QSOX1: variants seen among roughly 807,000 people sequenced by gnomAD.
QSOX1 encodes the protein quiescin sulfhydryl oxidase 1, also known as sulfhydryl oxidase 1.
QSOX1 carries 40 observed loss-of-function variants against 76.1 expected under a neutral mutation model. The observed-to-expected ratio is 0.53, with a 90% CI of 0.41 to 0.68. The LOEUF (loss-of-function observed/expected upper bound fraction) is 0.68. Ranked by LOEUF, QSOX1 falls within the 30% of genes least tolerant of loss-of-function variation. The pLI is 0.00. For synonymous variants in QSOX1, 392 were observed against 413.1 expected (o/e 0.95, Z 0.62); for missense variants, 931 against 974.3 (o/e 0.96, Z 0.59).
At chr1:180,193,585 C>T (rs1191615885) in intron 10 of QSOX1, among the ~76,000 whole-genome samples, 3 of 149,948 alleles carry the variant, frequency 2.0e-5, no homozygotes, top group Non-Finnish European at 1.5e-5. Flanking sequence ...TTAGGAGGGG[C>T]GTGTTGGATT....
Position 180,197,424 on chromosome 1 carries a change from G to C in QSOX1, c.*387G>C. The C allele has an allele frequency of 1.3e-6, 2 of 1,598,224 alleles. No homozygotes were observed. Among genetic ancestry groups the C allele is most frequent in the Non-Finnish European group, 1.7e-6 (2 of 1,167,592 alleles). Reference sequence around the variant, plus strand: ...CTGGGGCAAGTGAAGCCAGAGGAGGGTCCCCCAGCTGGGTGGGCTGGAATG... The same window carrying C: ...CTGGGGCAAGTGAAGCCAGAGGAGGCTCCCCCAGCTGGGTGGGCTGGAATG... On this transcript the variant is annotated 3_prime_UTR_variant, in exon 12 of 12. Coordinates refer to ENST00000367602, the MANE Select transcript of QSOX1 (RefSeq NM_002826.5).
At chr1:180,187,772 A>G (rs1663210547) in intron 8 of QSOX1, among the ~76,000 whole-genome samples, 1 of 152,200 alleles carries the variant, frequency 6.6e-6, no homozygotes, top group African/African-American at 2.4e-5. Flanking sequence ...TAGGGCTGGC[A>G]GTGGGGTGGA....
chr1:180,169,313 T>C (rs1359526258), intron 2 of QSOX1, among the ~76,000 whole-genome samples: 3 of 152,108 alleles, frequency 2.0e-5, no homozygotes, highest in Non-Finnish European at 4.4e-5. Flanking sequence ...AGAATGGGAC[T>C]TTTTATGGCC....
At chr1:180,174,277 A>G (rs558079366) in intron 2 of QSOX1, among the ~76,000 whole-genome samples, 1 of 152,148 alleles carries the variant, frequency 6.6e-6, no homozygotes, top group South Asian at 2.1e-4. Flanking sequence ...GCAGAAGCCC[A>G]GATTGCCAGG....
chr1:180,191,147 C>G (rs1286295061), intron 10 of QSOX1, among the ~76,000 whole-genome samples: 1 of 152,180 alleles, frequency 6.6e-6, no homozygotes, highest in Non-Finnish European at 1.5e-5. Context: ...GGATGCGCAT[C>G]CAATTCAGTC....
chr1:180,184,495 T>TACAGCAC (rs869176970), intron 7 of QSOX1, among the ~76,000 whole-genome samples: 12 of 8,806 alleles, frequency 1.4e-3, no homozygotes, highest in Non-Finnish European at 3.7e-3. Context: ...GTGCAGACCC[T>TACAGCAC]ACAGCATCCC....
chr1:180,178,402 AT>A (rs1370358928), intron 4 of QSOX1, among the ~76,000 whole-genome samples: 2 of 152,222 alleles, frequency 1.3e-5, no homozygotes, highest in African/African-American at 4.8e-5. Context: ...TAAATTTTGT[AT>A]TTTTAGTAGA....
intron 1 of QSOX1, 116 bp downstream of exon 1, chr1:180,155,288 C>T: frequency 2.0e-6 from 2 of 976,394 alleles, no homozygotes; most frequent in Admixed American, 7.7e-5. Flanking sequence ...CTCCGCCCAC[C>T]TCTTCCTCTC....
chr1:180,169,089 C>T (rs1572041358), intron 2 of QSOX1, among the ~76,000 whole-genome samples: 1 of 152,262 alleles, frequency 6.6e-6, no homozygotes, highest in African/African-American at 2.4e-5. Context: ...ACCAGCCCAG[C>T]CTGTTTAGCA....
At chr1:180,186,260 C>A (rs1431896867) in intron 8 of QSOX1, 78 bp downstream of exon 8, 2 of 1,531,840 alleles carry the variant, frequency 1.3e-6, no homozygotes, top group Non-Finnish European at 1.8e-6. Context: ...CTGGGCACCC[C>A]GTCAGCCCCT....
rs1663198013 is a variant in QSOX1, at chr1:180,187,250, C to CA, written c.1017+1068_1017+1069insA. On this transcript the variant is annotated intron_variant, in intron 8 of 11. Coordinates refer to ENST00000367602, the MANE Select transcript of QSOX1 (RefSeq NM_002826.5). ...ACATTTCAGCCTAAGGCAGGACAGT[C>CA]GTTGGCCCCTCACTGAAGTCCCATG... Among the ~76,000 whole-genome samples, 3 of 152,250 alleles carry CA rather than the reference C, an allele frequency of 2.0e-5. No individual in the cohort carries two copies. The South Asian group carries it at 6.2e-4, about 31-fold the overall frequency.
At position 180,155,067 on chromosome 1, in the gene QSOX1, G is replaced by A; in HGVS notation, c.160G>A (p.Val54Met). The A allele has an allele frequency of 6.6e-7, 1 of 1,519,602 alleles. No individual in the cohort carries two copies. Among genetic ancestry groups the A allele is most frequent in the African/African-American group, 1.4e-5 (1 of 70,224 alleles). 94.1% of individuals were successfully genotyped at this position (1,519,602 alleles called of 1,614,324 possible). The change falls in exon 1 of 12, where the codon GTG (valine) becomes ATG (methionine). Residue 54 changes from valine (V) to methionine (M), a missense_variant. Coordinates refer to ENST00000367602, the MANE Select transcript of QSOX1 (RefSeq NM_002826.5). ...GCAGGCGGACACGGTGCGCGGCGCG[G>A]TGCTGGGCTCCCGCAGCGCCTGGGC... ...LLQADTVRGA[V>M]LGSRSAWAVE...
chr1:180,182,670 A>G (rs1456889442), intron 6 of QSOX1, among the ~76,000 whole-genome samples: 1 of 152,148 alleles, frequency 6.6e-6, no homozygotes, highest in Non-Finnish European at 1.5e-5. Context: ...AAGCACTCGT[A>G]TATGCCTGAC....
At chr1:180,174,353 G>T (rs1276897620) in intron 2 of QSOX1, among the ~76,000 whole-genome samples, 1 of 152,248 alleles carries the variant, frequency 6.6e-6, no homozygotes, top group Non-Finnish European at 1.5e-5. Flanking sequence ...GGGGTGTCAT[G>T]TACATGGGAA....
intron 1 of QSOX1, among the ~76,000 whole-genome samples, chr1:180,160,939 C>A (rs1212400853): frequency 6.6e-6 from 1 of 152,168 alleles, no homozygotes; most frequent in African/African-American, 2.4e-5. Flanking sequence ...ATTCAGAATT[C>A]AATCCATCTT....
intron 7 of QSOX1, 76 bp downstream of exon 7, chr1:180,184,126 C>T (rs1663110108): frequency 2.6e-6 from 4 of 1,519,342 alleles, no homozygotes; most frequent in Middle Eastern, 1.9e-4. Context: ...CACCCACGCC[C>T]TCTTGCTCAT....
intron 3 of QSOX1, 86 bp downstream of exon 3, chr1:180,175,452 C>A (rs1662865832): frequency 1.4e-6 from 2 of 1,449,740 alleles, no homozygotes; most frequent in Admixed American, 3.3e-5. Flanking sequence ...GTGGAGAAAG[C>A]CCTGGCAGTC....
chr1:180,177,379 G>A (rs546820730), intron 4 of QSOX1, among the ~76,000 whole-genome samples: 14 of 151,132 alleles, frequency 9.3e-5, no homozygotes, highest in African/African-American at 2.7e-4. Context: ...TCAGCCTCCC[G>A]AGTAGCTGGG....
chr1:180,195,493 G>A (rs1663450039), intron 11 of QSOX1, among the ~76,000 whole-genome samples: 1 of 152,198 alleles, frequency 6.6e-6, no homozygotes, highest in Non-Finnish European at 1.5e-5. Context: ...TAGGAGAAGT[G>A]CTTCTACAGA....
Sources: allele counts gnomAD v4.1 joint callset (sites outside exome capture counted in the v4.1 genomes callset), GRCh38; gene constraint gnomAD v4.1.1; transcripts MANE v1.5; gene names NCBI Gene and HGNC (gene_info 2026-07-23, HGNC 2026-07-21).